Variants in FARS2 observed in about 807,000 individuals in gnomAD.
The protein encoded by FARS2 is phenylalanyl-tRNA synthetase 2, mitochondrial, also known as phenylalanine--tRNA ligase, mitochondrial.
Under a neutral mutation model 46.4 loss-of-function variants are expected in FARS2, and 40 were observed. The observed-to-expected ratio is 0.86, with a 90% CI of 0.67 to 1.12. The LOEUF (loss-of-function observed/expected upper bound fraction) is 1.12, where lower values mean the gene tolerates loss of function less well. Among genes scored for constraint, FARS2 ranks in the 50% most tolerant of loss-of-function variants. FARS2 has a pLI of 0.00. For synonymous variants in FARS2, 234 were observed against 214.9 expected (o/e 1.09, Z -0.78); for missense variants, 513 against 567.9 (o/e 0.90, Z 0.98).
intron 5 of FARS2, among the ~76,000 whole-genome samples, chr6:5,608,704 A>G (rs1774990742): frequency 6.6e-6 from 1 of 152,092 alleles, no homozygotes; most frequent in South Asian, 2.1e-4. Flanking sequence ...GGTGAACTTC[A>G]GATCGCAACA....
chr6:5,421,029 G>A (rs1305828940), intron 3 of FARS2, among the ~76,000 whole-genome samples: 6 of 152,124 alleles, frequency 3.9e-5, no homozygotes, highest in Non-Finnish European at 2.9e-5. Flanking sequence ...TTTCCCTTCT[G>A]CACTGCCCTA....
chr6:5,529,716 CT>C (rs1362328881), intron 4 of FARS2, among the ~76,000 whole-genome samples: 1 of 152,204 alleles, frequency 6.6e-6, no homozygotes, highest in African/African-American at 2.4e-5. Context: ...TTTTTAATGG[CT>C]GAGTAGACAG....
intron 4 of FARS2, among the ~76,000 whole-genome samples, chr6:5,490,261 T>G (rs1053718249): frequency 5.3e-5 from 8 of 152,236 alleles, no homozygotes; most frequent in African/African-American, 1.9e-4. Context: ...CATTCTATTG[T>G]GTAGATATAT....
At chr6:5,267,039 C>G (rs1395253566) in intron 1 of FARS2, among the ~76,000 whole-genome samples, 1 of 151,986 alleles carries the variant, frequency 6.6e-6, no homozygotes, top group Non-Finnish European at 1.5e-5. Context: ...CAACTAGACA[C>G]TCTAGCTTCA....
At chr6:5,559,515 G>A (rs894243380) in intron 5 of FARS2, among the ~76,000 whole-genome samples, 3 of 152,154 alleles carry the variant, frequency 2.0e-5, no homozygotes, top group Admixed American at 6.5e-5. Context: ...ACTAGCTACA[G>A]TTTGATATTT....
intron 6 of FARS2, among the ~76,000 whole-genome samples, chr6:5,675,536 C>T (rs914670553): frequency 7.2e-5 from 11 of 152,162 alleles, no homozygotes; most frequent in African/African-American, 4.8e-5. Flanking sequence ...GTACCCAATA[C>T]AGTGTTAAAA....
At chr6:5,629,825 G>A (rs564919866) in intron 6 of FARS2, among the ~76,000 whole-genome samples, 8 of 152,188 alleles carry the variant, frequency 5.3e-5, no homozygotes, top group East Asian at 1.9e-4. Flanking sequence ...AAAAAGACAG[G>A]AGCTCAAATC....
At chr6:5,415,296 T>C (rs1180008027) in intron 3 of FARS2, among the ~76,000 whole-genome samples, 3 of 93,204 alleles carry the variant, frequency 3.2e-5, no homozygotes, top group Non-Finnish European at 5.8e-5. Context: ...TTAATTTGTA[T>C]TTTCTTTTCT....
intron 4 of FARS2, among the ~76,000 whole-genome samples, chr6:5,465,241 G>T (rs561046501): frequency 1.3e-5 from 2 of 152,330 alleles, no homozygotes; most frequent in Admixed American, 1.3e-4. Flanking sequence ...GTATTAGGAT[G>T]CAAACTGAAC....
rs111810027 is a variant in FARS2 at position 5,717,304 on chromosome 6, G to A, written c.1218-53987G>A. On this transcript the variant is annotated intron_variant, in intron 6 of 6. Coordinates refer to ENST00000274680, the MANE Select transcript of FARS2 (RefSeq NM_006567.5). ...GTAACAAAAGACTGTAACAAAGGTC[G>A]TGGGAGTTATGAGCCAGGAACCGTG... Among the ~76,000 whole-genome samples the A allele has an allele frequency of 9.3e-3, 1,416 of 152,048 alleles. 9 individuals are homozygous for A. The highest frequency in any genetic ancestry group is 0.013 in the Non-Finnish European group (891 of 67,982).
intron 3 of FARS2, among the ~76,000 whole-genome samples, chr6:5,423,553 G>A (rs1041343429): frequency 7.2e-5 from 11 of 152,026 alleles, no homozygotes; most frequent in Admixed American, 2.6e-4. Context: ...GGAGGAAATC[G>A]CCTGCCTTTT....
chr6:5,369,065 C>T lies in FARS2; in HGVS notation c.495C>T (p.His165=), dbSNP rs761573935. 30 of 1,613,932 alleles carry T rather than the reference C, an allele frequency of 1.9e-5. No homozygotes were observed. The highest frequency in any genetic ancestry group is 8.8e-5 in the South Asian group (8 of 91,074). Residue 165 remains histidine (H), a synonymous_variant, in exon 2 of 7, where the codon CAC becomes CAT. Transcript: ENST00000274680. ...CTGCACACCAGTGGGACTTGCTGCA[C>T]GCGGGACTGGATGCCTTCCTGGTGG... ...HTSAHQWDLL[H]AGLDAFLVVG... is the part of the protein sequence containing the mutation.
At chr6:5,272,756 T>A (rs73365018) in intron 1 of FARS2, among the ~76,000 whole-genome samples, 1 of 152,150 alleles carries the variant, frequency 6.6e-6, no homozygotes, top group African/African-American at 2.4e-5. Flanking sequence ...CTAAGTCTTA[T>A]CTCTTCTATC....
rs751990577 is a variant in FARS2 at position 5,444,466 on chromosome 6, CAAAAA to C, written c.904+13317_904+13321del. ...TGGGTGACAAGGCGTGACTCTGTCT[CAAAAA>C]AAAAAAAAAAAAAAAAAAAAAAGAG... is the stretch of plus-strand genomic sequence containing the variant. On this transcript the variant is annotated intron_variant, in intron 4 of 6. Transcript: ENST00000274680. Among the ~76,000 whole-genome samples, 181 of 91,470 alleles carry C rather than the reference CAAAAA, an allele frequency of 2.0e-3. 7 individuals carry two copies. The highest frequency in any genetic ancestry group is 3.0e-3 in the South Asian group (7 of 2,346). 60.0% of individuals were successfully genotyped at this position (91,470 alleles called of 152,430 possible). A position where few individuals can be genotyped will look rare whatever the true frequency, so the allele number is the denominator to read the frequency against.
intron 4 of FARS2, among the ~76,000 whole-genome samples, chr6:5,484,946 G>T (rs1190577189): frequency 6.6e-6 from 1 of 152,220 alleles, no homozygotes; most frequent in East Asian, 1.9e-4. Context: ...CTGTGAAAAA[G>T]CCAGATTAGA....
At chr6:5,602,296 GAA>G (rs934308034) in intron 5 of FARS2, among the ~76,000 whole-genome samples, 1 of 152,130 alleles carries the variant, frequency 6.6e-6, no homozygotes, top group Non-Finnish European at 1.5e-5. Context: ...GCTTTCTTGA[GAA>G]TGTTTATGAA....
At chr6:5,689,410 G>A (rs1447101341) in intron 6 of FARS2, among the ~76,000 whole-genome samples, 18 of 151,850 alleles carry the variant, frequency 1.2e-4, no homozygotes, top group African/African-American at 3.9e-4. Flanking sequence ...CTTTGTTCTC[G>A]TTGGTTTCAA....
intron 1 of FARS2, among the ~76,000 whole-genome samples, chr6:5,367,079 C>A (rs891376775): frequency 1.3e-5 from 2 of 152,212 alleles, no homozygotes; most frequent in African/African-American, 4.8e-5. Flanking sequence ...GTGCTGTGCA[C>A]AGCTTCTAAG....
At chr6:5,381,841 A>C (rs1469192) in intron 2 of FARS2, among the ~76,000 whole-genome samples, 6,369 of 152,272 alleles carry the variant, frequency 0.042, 436 homozygotes, top group African/African-American at 0.14. Flanking sequence ...GTGTAGGAAC[A>C]GGAGGCTGGG....
Sources: allele counts gnomAD v4.1 joint callset (sites outside exome capture counted in the v4.1 genomes callset), GRCh38; gene constraint gnomAD v4.1.1; transcripts MANE v1.5; gene names NCBI Gene and HGNC (gene_info 2026-07-23, HGNC 2026-07-21).